The following DBT variants were observed in gnomAD, a reference collection of about 807,000 sequenced individuals.
The protein encoded by DBT is lipoamide acyltransferase component of branched-chain alpha-keto acid dehydrogenase complex, mitochondrial.
In DBT, 40 loss-of-function variants were observed where a neutral mutation model predicts 51.3. That is an observed-to-expected ratio of 0.78 (90% confidence interval 0.61 to 1.02). The LOEUF (loss-of-function observed/expected upper bound fraction) is 1.02. Ranked by LOEUF, DBT falls within the 50% of genes least tolerant of loss-of-function variation. The pLI is 0.00. For synonymous variants in DBT, 181 were observed against 190.4 expected, an observed-to-expected ratio of 0.95 and a Z score of 0.41; for missense variants, 510 against 580.2, an observed-to-expected ratio of 0.88 and a Z score of 1.24.
rs1255955785 is a variant in DBT at position 100,190,096 on chromosome 1, T to G, written c.*6159A>C. On this transcript the variant is annotated 3_prime_UTR_variant, in exon 11 of 11. Coordinates refer to ENST00000370132, the MANE Select transcript of DBT (RefSeq NM_001918.5). ...AGCTCAGAGTTCGAGTTTTACTAAC[T>G]AGACTTGCAGATTAATCTCAAAATA... 1 of 152,228 alleles carries G rather than the reference T, an allele frequency of 6.6e-6. No individual in the cohort carries two copies. The allele number at this position is 152,228 out of a possible 1,614,324, so 9.4% of individuals were successfully genotyped here.
intron 1 of DBT, among the ~76,000 whole-genome samples, chr1:100,244,064 A>C (rs1053955532): frequency 2.2e-5 from 1 of 44,594 alleles, no homozygotes; most frequent in Non-Finnish European, 4.8e-5. Flanking sequence ...ATTCTATCTC[A>C]AAAAAAAAAA....
intron 3 of DBT, among the ~76,000 whole-genome samples, chr1:100,231,666 A>G (rs1639027952): frequency 1.3e-5 from 2 of 152,228 alleles, no homozygotes; most frequent in African/African-American, 4.8e-5. Context: ...ACCAGCTTTA[A>G]AAGCACATAC....
intron 7 of DBT, among the ~76,000 whole-genome samples, chr1:100,211,903 C>G (rs1023107908): frequency 2.0e-5 from 3 of 152,134 alleles, no homozygotes; most frequent in African/African-American, 7.2e-5. Context: ...TCCCGAGTAG[C>G]TGGAACTATA....
At chr1:100,243,693 C>G (rs1316444262) in intron 1 of DBT, among the ~76,000 whole-genome samples, 1 of 152,056 alleles carries the variant, frequency 6.6e-6, no homozygotes, top group Non-Finnish European at 1.5e-5. Flanking sequence ...ACACGGGAAA[C>G]TGATGGGAAA....
At chr1:100,228,420 TTTGG>T (rs1663345323) in intron 4 of DBT, among the ~76,000 whole-genome samples, 1 of 152,070 alleles carries the variant, frequency 6.6e-6, no homozygotes, top group African/African-American at 2.4e-5. Context: ...TCAAGGACAT[TTTGG>T]GGATAATTCA....
chr1:100,220,791 A>G (rs1662808246), intron 4 of DBT, among the ~76,000 whole-genome samples: 1 of 152,236 alleles, frequency 6.6e-6, no homozygotes, highest in Admixed American at 6.5e-5. Context: ...TGCTGTTTCC[A>G]TTAGTTCATA....
chr1:100,238,528 C>T (rs1427033009), intron 2 of DBT, among the ~76,000 whole-genome samples: 1 of 150,746 alleles, frequency 6.6e-6, no homozygotes, highest in African/African-American at 2.4e-5. Context: ...CATGGCCTAA[C>T]TCTGTTGCCC....
rs371304921 is a variant in DBT, at chr1:100,217,014, T to C, written c.556-815A>G. ...CACTAAGTTTGTAACAAATGGACTATGAAAATTTAAACAAATAATTTTTAG... is the reference window on the plus strand; with the variant it reads ...CACTAAGTTTGTAACAAATGGACTACGAAAATTTAAACAAATAATTTTTAG... On this transcript the variant is annotated intron_variant, in intron 5 of 10. Transcript: ENST00000370132. Among the ~76,000 whole-genome samples, 28 of 152,256 alleles carry C rather than the reference T, an allele frequency of 1.8e-4. No homozygotes were observed. In the East Asian group the frequency reaches 5.4e-3, roughly 29 times the overall value.
intron 2 of DBT, among the ~76,000 whole-genome samples, chr1:100,238,940 A>G (rs1381326612): frequency 2.0e-5 from 3 of 152,164 alleles, no homozygotes; most frequent in African/African-American, 7.2e-5. Flanking sequence ...TTTAAAAGAG[A>G]AGCAGAAGAA....
Position 100,195,066 on chromosome 1 carries a change from T to TA in DBT, c.*1188dup, listed in dbSNP as rs1315104347. Reference sequence around the variant, plus strand: ...TATTTTTTATATCCATAATTACTATTAGACTCTTCCTTCTCCTCTTATTTA... The same window carrying TA: ...TATTTTTTATATCCATAATTACTATTAAGACTCTTCCTTCTCCTCTTATTTA... On this transcript the variant is annotated 3_prime_UTR_variant, in exon 11 of 11. Transcript: ENST00000370132. The TA allele has an allele frequency of 6.6e-6, 1 of 152,498 alleles. No homozygotes were observed. The highest frequency in any genetic ancestry group is 1.5e-5 in the Non-Finnish European group (1 of 68,032). 9.4% of individuals were successfully genotyped at this position (152,498 alleles called of 1,614,324 possible).
intron 2 of DBT, among the ~76,000 whole-genome samples, chr1:100,237,439 ATTGT>A (rs899093042): frequency 3.3e-5 from 5 of 152,088 alleles, no homozygotes; most frequent in African/African-American, 1.2e-4. Flanking sequence ...AAGTTGTGGG[ATTGT>A]TTGTTACTCA....
At chr1:100,225,227 C>T (rs952349557) in intron 4 of DBT, among the ~76,000 whole-genome samples, 2 of 151,426 alleles carry the variant, frequency 1.3e-5, no homozygotes, top group Non-Finnish European at 2.9e-5. Flanking sequence ...CCCTTCCTAC[C>T]CTCCATACTC....
rs1364754649 is a variant in DBT at position 100,190,651 on chromosome 1, T to G, written c.*5604A>C. ...TGGGGCAGGGATCAGGAGGAAGAGA[T>G]GGAATAAATAATAGAGGACAGAAAA... On this transcript the variant is annotated 3_prime_UTR_variant, in exon 11 of 11. Coordinates refer to ENST00000370132, the MANE Select transcript of DBT (RefSeq NM_001918.5). 1 of 151,958 alleles carries G rather than the reference T, an allele frequency of 6.6e-6. No homozygotes were observed. The highest frequency in any genetic ancestry group is 1.9e-4 in the East Asian group (1 of 5,180). 9.4% of individuals were successfully genotyped at this position (151,958 alleles called of 1,614,324 possible).
chr1:100,227,871 T>TA (rs754329451), intron 4 of DBT, among the ~76,000 whole-genome samples: 20 of 152,272 alleles, frequency 1.3e-4, no homozygotes, highest in South Asian at 8.3e-4. Context: ...GTTTTTAAGA[T>TA]AGAGTCTCAC....
At chr1:100,212,196 C>G (rs1408670300) in intron 7 of DBT, among the ~76,000 whole-genome samples, 1 of 152,088 alleles carries the variant, frequency 6.6e-6, no homozygotes, top group African/African-American at 2.4e-5. Context: ...CAAATTTTGT[C>G]CAAGAAAATA....
intron 10 of DBT, among the ~76,000 whole-genome samples, chr1:100,202,405 T>C (rs1661510747): frequency 2.0e-5 from 3 of 152,214 alleles, no homozygotes; most frequent in Admixed American, 1.3e-4. Context: ...TCCAGATTCA[T>C]AAAGCAAGTT....
chr1:100,234,434 A>C, intron 3 of DBT, among the ~76,000 whole-genome samples: 1 of 152,024 alleles, frequency 6.6e-6, no homozygotes, highest in Non-Finnish European at 1.5e-5. Context: ...CCAAGAGTTC[A>C]AGACCAGTAT....
intron 10 of DBT, among the ~76,000 whole-genome samples, chr1:100,198,808 T>C (rs1233425754): frequency 6.6e-6 from 1 of 152,180 alleles, no homozygotes; most frequent in Non-Finnish European, 1.5e-5. Context: ...GCTAATTTAC[T>C]ATCTGCTAGA....
intron 2 of DBT, among the ~76,000 whole-genome samples, chr1:100,237,867 C>T (rs1663975535): frequency 6.6e-6 from 1 of 152,078 alleles, no homozygotes; most frequent in East Asian, 1.9e-4. Context: ...TCTTGAACTC[C>T]TGGCCTCAAG....
Sources: allele counts gnomAD v4.1 joint callset (sites outside exome capture counted in the v4.1 genomes callset), GRCh38; gene constraint gnomAD v4.1.1; transcripts MANE v1.5; gene names NCBI Gene and HGNC (gene_info 2026-07-23, HGNC 2026-07-21).